Variants in SLC26A7 observed in about 807,000 individuals in gnomAD.
The protein encoded by SLC26A7 is anion exchange transporter.
Under a neutral mutation model 82.5 loss-of-function variants are expected in SLC26A7, and 59 were observed. The observed-to-expected ratio is 0.72, with a 90% CI of 0.58 to 0.89. The LOEUF is 0.89. Among genes scored for constraint, SLC26A7 ranks in the 40% least tolerant of loss-of-function variants. The pLI, the probability that SLC26A7 is intolerant of heterozygous loss-of-function variation, is 0.00. For missense variants in SLC26A7, 820 were observed against 793.0 expected (o/e 1.03, Z -0.41); for synonymous variants, 271 against 274.3 (o/e 0.99, Z 0.12).
At chr8:91,324,112 C>A (rs987241956) in intron 5 of SLC26A7, among the ~76,000 whole-genome samples, 1 of 152,116 alleles carries the variant, frequency 6.6e-6, no homozygotes, top group Non-Finnish European at 1.5e-5. Context: ...CAGGCATGAG[C>A]CACTGCACTC....
intron 2 of SLC26A7, among the ~76,000 whole-genome samples, chr8:91,243,754 CACAA>C (rs1215230026): frequency 2.0e-5 from 3 of 152,138 alleles, no homozygotes; most frequent in Non-Finnish European, 4.4e-5. Flanking sequence ...TCTCACAATC[CACAA>C]ACAAAGAAGC....
chr8:91,333,771 A>C (rs1813162659), intron 5 of SLC26A7, among the ~76,000 whole-genome samples: 1 of 152,210 alleles, frequency 6.6e-6, no homozygotes, highest in Non-Finnish European at 1.5e-5. Context: ...GGTATAAAGT[A>C]AGTGACAATA....
chr8:91,353,473 A>G (rs1298077614), intron 11 of SLC26A7, among the ~76,000 whole-genome samples: 1 of 152,158 alleles, frequency 6.6e-6, no homozygotes, highest in African/African-American at 2.4e-5. Context: ...TAAATGGGTT[A>G]CATTAAGAGG....
At chr8:91,216,632 A>G (rs901221377) in intron 1 of SLC26A7, among the ~76,000 whole-genome samples, 2 of 152,164 alleles carry the variant, frequency 1.3e-5, no homozygotes, top group Non-Finnish European at 2.9e-5. Context: ...ACGGTTGTCT[A>G]GTATATGGAA....
At chr8:91,341,612 C>G (rs1329234277) in intron 8 of SLC26A7, among the ~76,000 whole-genome samples, 1 of 152,224 alleles carries the variant, frequency 6.6e-6, no homozygotes, top group Non-Finnish European at 1.5e-5. Flanking sequence ...ATAGCAGGCA[C>G]TGGTCTAGGT....
chr8:91,343,561 A>T (rs905850137), intron 9 of SLC26A7, 95 bp downstream of exon 9: 1 of 746,736 alleles, frequency 1.3e-6, no homozygotes, highest in African/African-American at 1.8e-5. Context: ...AAGCCCTGAA[A>T]CTATTTTCAC....
intron 1 of SLC26A7, among the ~76,000 whole-genome samples, chr8:91,212,606 A>G (rs1809951674): frequency 6.6e-6 from 1 of 152,210 alleles, no homozygotes; most frequent in African/African-American, 2.4e-5. Flanking sequence ...TTACTTATAA[A>G]GTAAAATCTT....
intron 1 of SLC26A7, among the ~76,000 whole-genome samples, chr8:91,211,626 T>TA (rs398008744): frequency 1.4e-5 from 2 of 147,808 alleles, no homozygotes; most frequent in South Asian, 2.1e-4. Context: ...ATTTTTTTTT[T>TA]ATTTTTTTTG....
chr8:91,290,311 G>A (rs991170901), intron 3 of SLC26A7, among the ~76,000 whole-genome samples: 1 of 152,062 alleles, frequency 6.6e-6, no homozygotes, highest in Non-Finnish European at 1.5e-5. Context: ...ATTACCATAA[G>A]TTTGGTGCTT....
chr8:91,255,200 T>G (rs1173435199), intron 2 of SLC26A7, among the ~76,000 whole-genome samples: 1 of 152,060 alleles, frequency 6.6e-6, no homozygotes, highest in African/African-American at 2.4e-5. Flanking sequence ...TCCCAAACCA[T>G]GCAACTTTTA....
chr8:91,325,527 A>G (rs1812908331), intron 5 of SLC26A7, among the ~76,000 whole-genome samples: 1 of 152,142 alleles, frequency 6.6e-6, no homozygotes, highest in South Asian at 2.1e-4. Flanking sequence ...TTTCAGAATC[A>G]AGTTGAAAGG....
At chr8:91,232,383 G>A (rs1378317494) in intron 2 of SLC26A7, among the ~76,000 whole-genome samples, 2 of 152,180 alleles carry the variant, frequency 1.3e-5, no homozygotes, top group East Asian at 3.9e-4. Context: ...GTATTTTACT[G>A]CTGATTCCAC....
At chr8:91,246,711 A>AC (rs1460196087), upstream of SLC26A7, among the ~76,000 whole-genome samples, 139 of 152,044 alleles carry the variant, frequency 9.1e-4, no homozygotes, top group African/African-American at 3.2e-3. Context: ...AAAAAAAAAA[A>AC]AAAACAAAAC....
intron 10 of SLC26A7, 122 bp from the exon 11 acceptor site, chr8:91,352,779 A>G: frequency 1.5e-6 from 1 of 660,676 alleles, no homozygotes; most frequent in Non-Finnish European, 2.5e-6. Context: ...TTGTCTTCTA[A>G]TCGGTGATTG....
intron 2 of SLC26A7, among the ~76,000 whole-genome samples, chr8:91,282,604 T>C (rs1811603545): frequency 6.6e-6 from 1 of 152,172 alleles, no homozygotes; most frequent in African/African-American, 2.4e-5. Flanking sequence ...CAGATGCTCC[T>C]TCCTAGCCCT....
chr8:91,304,981 A>G (rs934675576), intron 4 of SLC26A7, among the ~76,000 whole-genome samples: 1 of 152,122 alleles, frequency 6.6e-6, no homozygotes, highest in African/African-American at 2.4e-5. Flanking sequence ...ACATACTTAT[A>G]TGTGATTCCT....
At chr8:91,319,051 C>T (rs1306776744) in intron 5 of SLC26A7, among the ~76,000 whole-genome samples, 1 of 152,130 alleles carries the variant, frequency 6.6e-6, no homozygotes, top group African/African-American at 2.4e-5. Context: ...TACTAAATAA[C>T]ATTAATTTTT....
At chr8:91,250,855 C>T (rs1218029905) in intron 2 of SLC26A7, among the ~76,000 whole-genome samples, 4 of 152,048 alleles carry the variant, frequency 2.6e-5, no homozygotes, top group African/African-American at 9.7e-5. Context: ...ATAATACTGT[C>T]ATACTTTATA....
At chr8:91,212,605 A>G (rs2130648271) in intron 1 of SLC26A7, among the ~76,000 whole-genome samples, 1 of 152,292 alleles carries the variant, frequency 6.6e-6, no homozygotes, top group South Asian at 2.1e-4. Flanking sequence ...ATTACTTATA[A>G]AGTAAAATCT....
Sources: allele counts gnomAD v4.1 joint callset (sites outside exome capture counted in the v4.1 genomes callset), GRCh38; gene constraint gnomAD v4.1.1; transcripts MANE v1.5; gene names NCBI Gene and HGNC (gene_info 2026-07-23, HGNC 2026-07-21).